The following CA10 variants were observed in gnomAD, a reference collection of about 807,000 sequenced individuals.
CA10 encodes the protein carbonic anhydrase 10 (inactive).
In CA10, 14 loss-of-function variants were observed where a neutral mutation model predicts 44.2. The ratio of observed to expected loss-of-function variants is 0.32; its 90% CI spans 0.21 to 0.50. The LOEUF is 0.50. Among genes scored for constraint, CA10 ranks in the 20% least tolerant of loss-of-function variants. The pLI is 0.99. For missense variants in CA10, 350 were observed against 409.7 expected, an observed-to-expected ratio of 0.85 and a Z score of 1.26; for synonymous variants, 159 against 141.6, an observed-to-expected ratio of 1.12 and a Z score of -0.87.
chr17:51,847,033 T>C (rs771384549), intron 3 of CA10, among the ~76,000 whole-genome samples: 7 of 152,200 alleles, frequency 4.6e-5, no homozygotes, highest in Non-Finnish European at 1.0e-4. Flanking sequence ...TTTAGTGTTA[T>C]ATAATAAACC....
At chr17:52,083,519 T>C (rs1360102958) in intron 1 of CA10, among the ~76,000 whole-genome samples, 1 of 152,234 alleles carries the variant, frequency 6.6e-6, no homozygotes, top group East Asian at 1.9e-4. Flanking sequence ...CTCACCTTAA[T>C]GGGTATATTA....
At chr17:51,811,189 CG>C (rs1390014254) in intron 3 of CA10, among the ~76,000 whole-genome samples, 8 of 88,866 alleles carry the variant, frequency 9.0e-5, no homozygotes, top group African/African-American at 2.7e-4. Context: ...GACTCCATCT[CG>C]AAAAAAAAAA....
intron 3 of CA10, among the ~76,000 whole-genome samples, chr17:51,876,514 C>A (rs1980089070): frequency 6.6e-6 from 1 of 151,934 alleles, no homozygotes; most frequent in Non-Finnish European, 1.5e-5. Context: ...ATGTCTCCAC[C>A]TTGAATTTAA....
intron 3 of CA10, among the ~76,000 whole-genome samples, chr17:51,783,419 T>C (rs1356450491): frequency 1.3e-5 from 2 of 152,140 alleles, no homozygotes; most frequent in Non-Finnish European, 2.9e-5. Context: ...ACAACAAATA[T>C]ACAAACTAGC....
chr17:51,691,604 G>A (rs1375412160), intron 4 of CA10, among the ~76,000 whole-genome samples: 1 of 146,330 alleles, frequency 6.8e-6, no homozygotes, highest in African/African-American at 2.8e-5. Context: ...TGTTGCTTGT[G>A]CTTTTGTGTT....
chr17:51,894,885 A>C (rs562430407), intron 3 of CA10, among the ~76,000 whole-genome samples: 4 of 152,080 alleles, frequency 2.6e-5, no homozygotes, highest in Non-Finnish European at 5.9e-5. Context: ...TAATCAAATA[A>C]ATAATAGAAA....
chr17:51,940,833 C>T (rs1983050999), intron 2 of CA10, among the ~76,000 whole-genome samples: 2 of 152,084 alleles, frequency 1.3e-5, no homozygotes, highest in African/African-American at 2.4e-5. Context: ...TCTTCTGAGC[C>T]TCAGTCTCCT....
chr17:51,983,548 T>G (rs1293292906), intron 2 of CA10, among the ~76,000 whole-genome samples: 1 of 151,720 alleles, frequency 6.6e-6, no homozygotes, highest in Non-Finnish European at 1.5e-5. Flanking sequence ...TGAATCCCAG[T>G]TTACAAAAAA....
At chr17:51,668,126 A>T (rs1402945958) in intron 4 of CA10, among the ~76,000 whole-genome samples, 1 of 152,220 alleles carries the variant, frequency 6.6e-6, no homozygotes, top group Non-Finnish European at 1.5e-5. Context: ...TGTTTCCAGT[A>T]GAACTGGGTC....
At chr17:51,757,492 A>G (rs1226738729) in intron 3 of CA10, among the ~76,000 whole-genome samples, 1 of 152,254 alleles carries the variant, frequency 6.6e-6, no homozygotes, top group African/African-American at 2.4e-5. Flanking sequence ...ACCCAAGATT[A>G]GAAATCAACC....
chr17:51,955,944 T>C (rs1428560984), intron 2 of CA10, among the ~76,000 whole-genome samples: 1 of 152,108 alleles, frequency 6.6e-6, no homozygotes, highest in Non-Finnish European at 1.5e-5. Flanking sequence ...TGTATACCTA[T>C]GTAACAAACC....
chr17:52,141,965 A>T (rs1176249025), intron 1 of CA10, among the ~76,000 whole-genome samples: 1 of 152,192 alleles, frequency 6.6e-6, no homozygotes, highest in Admixed American at 6.5e-5. Flanking sequence ...CACCGGGGAC[A>T]AGAAGAGCCG....
At position 52,070,735 on chromosome 17, in the gene CA10, C is replaced by T. The variant is rs550438656; in HGVS notation, c.136+1584G>A. Among the ~76,000 whole-genome samples, 5 of 152,020 alleles carry T rather than the reference C, an allele frequency of 3.3e-5. No individual in the cohort carries two copies. In the East Asian group the frequency reaches 9.7e-4, roughly 29 times the overall value. On this transcript the variant is annotated intron_variant, in intron 2 of 8. Transcript: ENST00000451037. ...CTGTGGTTGTCTTAGAAGCAACAAC[C>T]AACTCAAAATAGGGCCTTGAACACT... is the stretch of plus-strand genomic sequence containing the variant.
intron 1 of CA10, among the ~76,000 whole-genome samples, chr17:52,105,015 T>C (rs1016512054): frequency 1.3e-5 from 2 of 152,172 alleles, no homozygotes; most frequent in African/African-American, 2.4e-5. Context: ...ACCTGAAGTC[T>C]AGACGCTCAG....
chr17:52,052,228 C>T (rs1475464794), intron 2 of CA10, among the ~76,000 whole-genome samples: 2 of 151,116 alleles, frequency 1.3e-5, no homozygotes, highest in Non-Finnish European at 2.9e-5. Flanking sequence ...AACAACCCCC[C>T]ATGACATAAG....
At chr17:51,790,586 G>A (rs1293524859) in intron 3 of CA10, among the ~76,000 whole-genome samples, 2 of 152,146 alleles carry the variant, frequency 1.3e-5, no homozygotes, top group Non-Finnish European at 2.9e-5. Flanking sequence ...GCAAATGCAA[G>A]CAGCTGTGAG....
At chr17:52,115,621 C>G (rs1297048772) in intron 1 of CA10, among the ~76,000 whole-genome samples, 1 of 152,194 alleles carries the variant, frequency 6.6e-6, no homozygotes, top group Non-Finnish European at 1.5e-5. Context: ...CCAATGGCCA[C>G]AGGTGCATGC....
intron 6 of CA10, among the ~76,000 whole-genome samples, chr17:51,646,272 C>G (rs1195106262): frequency 6.6e-6 from 1 of 152,156 alleles, no homozygotes; most frequent in Non-Finnish European, 1.5e-5. Flanking sequence ...TTCGTGAGCA[C>G]TAGGTAAGGA....
At chr17:51,869,092 A>AGG (rs1386047702) in intron 3 of CA10, among the ~76,000 whole-genome samples, 1 of 152,108 alleles carries the variant, frequency 6.6e-6, no homozygotes, top group Non-Finnish European at 1.5e-5. Context: ...AATAATTTTT[A>AGG]TATATAAATT....
Sources: gnomAD v4.1 joint callset for allele counts (sites outside exome capture counted in the v4.1 genomes callset) on GRCh38, gnomAD v4.1.1 for gene constraint, MANE v1.5 for transcripts, NCBI Gene and HGNC (gene_info 2026-07-23, HGNC 2026-07-21) for gene names.